Variants in CABIN1 observed in about 807,000 individuals in gnomAD.
CABIN1 encodes the protein calcineurin binding protein 1.
Under a neutral mutation model 227.7 loss-of-function variants are expected in CABIN1, and 133 were observed. That is an observed-to-expected ratio of 0.58 (90% CI 0.51 to 0.67). CABIN1 has a LOEUF of 0.67. Ranked by LOEUF, CABIN1 falls within the 30% of genes least tolerant of loss-of-function variation. CABIN1 has a pLI of 0.00. For synonymous variants in CABIN1, 1,086 were observed against 1,155.1 expected, an observed-to-expected ratio of 0.94 and a Z score of 1.21; for missense variants, 2,408 against 2,852.5, an observed-to-expected ratio of 0.84 and a Z score of 3.55.
At position 24,036,079 on chromosome 22, in the gene CABIN1, C is replaced by G. The variant is rs2036861074; in HGVS notation, c.4-10C>G. 3.1e-6 allele frequency: 5 copies of G among 1,605,824 alleles called. No individual in the cohort carries two copies. The East Asian group carries it at 1.1e-4, about 36-fold the overall frequency. On this transcript the variant is annotated splice_polypyrimidine_tract_variant and intron_variant, in intron 2 of 36. Transcript: ENST00000263119. ...GCAACTTGTCTCTTCCACCAAACCCCTGTTTCTAGATTCGAATTGCAGCCT... is the reference window on the plus strand; with the variant it reads ...GCAACTTGTCTCTTCCACCAAACCCGTGTTTCTAGATTCGAATTGCAGCCT...
intron 28 of CABIN1, among the ~76,000 whole-genome samples, chr22:24,122,291 A>G (rs899602349): frequency 2.0e-5 from 3 of 152,202 alleles, no homozygotes; most frequent in Non-Finnish European, 4.4e-5. Context: ...TACAGGTTGA[A>G]TATCCTTTAT....
At chr22:24,023,615 A>T (rs992204962) in intron 1 of CABIN1, among the ~76,000 whole-genome samples, 1 of 152,084 alleles carries the variant, frequency 6.6e-6, no homozygotes, top group African/African-American at 2.4e-5. Flanking sequence ...ATAGTATCTC[A>T]CTGTAGTTTT....
In CABIN1 at chr22:24,060,048, G is replaced by A. The variant is rs773152852; in HGVS notation, c.1524G>A (p.Ala508=). 1.7e-5 allele frequency: 27 copies of A among 1,614,044 alleles called. No homozygotes were observed. In the Admixed American group the frequency reaches 1.8e-4, roughly 11 times the overall value. The part of the protein sequence containing the change: ...KFLVRWPPGL[A]EVVLSVYHSW... ...TGGTAAGGTGGCCTCCAGGCTTGGC[G>A]GAGGTCGTGCTCAGCGTCTACCACA... is the stretch of plus-strand genomic sequence containing the variant. Residue 508 remains alanine, a synonymous_variant, in exon 12 of 37, where the codon GCG becomes GCA. Coordinates refer to ENST00000263119, the MANE Select transcript of CABIN1 (RefSeq NM_012295.4).
Position 24,038,477 on chromosome 22 carries a change from G to C in CABIN1, c.210+16G>C. On this transcript the variant is annotated intron_variant, in intron 4 of 36. Coordinates refer to ENST00000263119, the MANE Select transcript of CABIN1 (RefSeq NM_012295.4). ...GCTGCGGGAGGTGAGGCATCAGCAG[G>C]CCAGGCAGTGTGCCGTGGTGGTTAG... is the stretch of plus-strand genomic sequence containing the variant. 6.3e-7 allele frequency: 1 copy of C among 1,585,858 alleles called. No homozygotes were observed. Among genetic ancestry groups the C allele is most frequent in the Non-Finnish European group, 8.7e-7 (1 of 1,155,432 alleles).
chr22:24,050,899 G>A lies in CABIN1; in HGVS notation c.731G>A (p.Arg244Gln), dbSNP rs777390432. The A allele has an allele frequency of 5.0e-6, 8 of 1,614,064 alleles. No individual in the cohort carries two copies. Among genetic ancestry groups the A allele is most frequent in the African/African-American group, 2.7e-5 (2 of 74,920 alleles). The change falls in exon 8 of 37, where the codon CGA becomes CAA. Residue 244 changes from arginine to glutamine, a missense_variant. Arg to Gln is a conservative substitution (Grantham distance 43). Transcript: ENST00000263119. ...QAIVDEALGL[R>Q]KKRQALIVRE... ...ATTGTAGATGAGGCCTTGGGGCTGC[G>A]AAAAAAGAGGCAAGCGCTGATTGTG...
chr22:24,167,104 G>T lies in CABIN1; in HGVS notation c.5473G>T (p.Ala1825Ser). The T allele has an allele frequency of 7.5e-7, 1 of 1,340,890 alleles. No homozygotes were observed. Among genetic ancestry groups the T allele is most frequent in the Non-Finnish European group, 1.0e-6 (1 of 1,004,738 alleles). The allele number at this position is 1,340,890 out of a possible 1,614,324, so 83.1% of individuals were successfully genotyped here. A position where few individuals can be genotyped will look rare whatever the true frequency, so the allele number is the denominator to read the frequency against. ...CCAGCCAGCCCCCGCCCCCGCCCCCGCCACCACCACAGGGACCAGGGCAGG... is the reference window on the plus strand; with the variant it reads ...CCAGCCAGCCCCCGCCCCCGCCCCCTCCACCACCACAGGGACCAGGGCAGG... ...PAQPAPAPAP[A>S]TTTGTRAGGH... Residue 1825 changes from alanine (A) to serine (S), a missense_variant, in exon 32 of 37, where the codon GCC (alanine) becomes TCC (serine). This residue lies in a region of CABIN1 where 714 missense variants were observed against 773.8 expected (regional missense o/e 0.92). Transcript: ENST00000263119.
intron 32 of CABIN1, 116 bp downstream of exon 32, chr22:24,167,429 G>C: frequency 1.1e-6 from 1 of 873,564 alleles, no homozygotes; most frequent in Non-Finnish European, 1.8e-6. Flanking sequence ...TTTAGGTGTT[G>C]TTCCCACACC....
chr22:24,141,086 G>GC (rs2044729931), intron 29 of CABIN1, among the ~76,000 whole-genome samples: 1 of 152,218 alleles, frequency 6.6e-6, no homozygotes, highest in African/African-American at 2.4e-5. Flanking sequence ...CTGCATGGAG[G>GC]CCTTGGGGCT....
intron 29 of CABIN1, among the ~76,000 whole-genome samples, chr22:24,148,702 T>C (rs1392391653): frequency 7.9e-5 from 12 of 152,230 alleles, no homozygotes; most frequent in Non-Finnish European, 1.8e-4. Context: ...AAAAGAAGCC[T>C]TTCTGTCATG....
At chr22:24,162,630 C>G (rs113225221) in intron 29 of CABIN1, among the ~76,000 whole-genome samples, 1,989 of 152,336 alleles carry the variant, frequency 0.013, 41 homozygotes, top group African/African-American at 0.045. Context: ...AAAATGCTGC[C>G]TTTCAAGCCT....
At chr22:24,038,212 G>A (rs1312932900) in intron 3 of CABIN1, 136 bp from the exon 4 acceptor site, 8 of 692,396 alleles carry the variant, frequency 1.2e-5, no homozygotes, top group Non-Finnish European at 2.1e-5. Flanking sequence ...AAGTTGGGAG[G>A]TGGGGGAGCT....
chr22:24,081,781 C>G (rs1569182877), intron 19 of CABIN1, among the ~76,000 whole-genome samples: 1 of 151,916 alleles, frequency 6.6e-6, no homozygotes, highest in Non-Finnish European at 1.5e-5. Context: ...AATCCCAGCA[C>G]TTTGGGAGGC....
chr22:24,012,296 G>A (rs534615980), intron 1 of CABIN1, among the ~76,000 whole-genome samples: 4 of 152,150 alleles, frequency 2.6e-5, no homozygotes, highest in South Asian at 4.2e-4. Context: ...TTTATATATT[G>A]TTAATATAAT....
rs1337549015 is a variant in CABIN1 at position 24,084,633 on chromosome 22, AC to A, written c.2968del (p.Leu990PhefsTer20). ...CATGTTTGAGTATTTTAAGCCCAAG[AC>A]CCTTCCTGAATTTGACAGCTATAAG... ...LFMFEYFKPKTLPEFDSYKTS... is the reference protein window; with the variant it reads ...LFMFEYFKPKXLPEFDSYKTS... On this transcript the variant is annotated frameshift_variant, in exon 21 of 37. Coordinates refer to ENST00000263119, the MANE Select transcript of CABIN1 (RefSeq NM_012295.4). LOFTEE classifies it high-confidence loss of function. 6.2e-7 allele frequency: 1 copy of A among 1,613,560 alleles called. No individual in the cohort carries two copies. The highest frequency in any genetic ancestry group is 2.2e-5 in the East Asian group (1 of 44,852).
At chr22:24,076,691 A>C (rs188261618) in intron 19 of CABIN1, among the ~76,000 whole-genome samples, 10 of 152,348 alleles carry the variant, frequency 6.6e-5, no homozygotes, top group African/African-American at 2.4e-4. Flanking sequence ...CACAATGCCA[A>C]GTAGTAGTTG....
Position 24,178,319 on chromosome 22 carries a change from C to A in CABIN1, c.*123C>A, listed in dbSNP as rs1675154984. 8.1e-7 allele frequency: 1 copy of A among 1,227,778 alleles called. No homozygotes were observed. Among genetic ancestry groups the A allele is most frequent in the South Asian group, 1.4e-5 (1 of 73,506 alleles). 76.1% of individuals were successfully genotyped at this position (1,227,778 alleles called of 1,614,324 possible). A position where few individuals can be genotyped will look rare whatever the true frequency, so the allele number is the denominator to read the frequency against. ...TGCCACTCCCCACACAGCCCCCAGG[C>A]CTGCCCAGCCCACCTCCTCATGGCA... On this transcript the variant is annotated 3_prime_UTR_variant, in exon 37 of 37. Coordinates refer to ENST00000263119, the MANE Select transcript of CABIN1 (RefSeq NM_012295.4).
chr22:24,087,364 G>T, intron 22 of CABIN1, 88 bp from the exon 23 acceptor site: 1 of 1,549,810 alleles, frequency 6.5e-7, no homozygotes, highest in Non-Finnish European at 8.8e-7. Flanking sequence ...TTTCCATGGG[G>T]TCCATCTGCC....
intron 19 of CABIN1, 22 bp from the exon 20 acceptor site, chr22:24,083,206 C>A (rs1166943527): frequency 1.2e-6 from 2 of 1,611,594 alleles, no homozygotes; most frequent in African/African-American, 2.7e-5. Flanking sequence ...TCACCTCAGG[C>A]CATCTCTTCT....
chr22:24,108,035 C>T (rs2042613260), intron 26 of CABIN1, among the ~76,000 whole-genome samples: 1 of 152,260 alleles, frequency 6.6e-6, no homozygotes, highest in Non-Finnish European at 1.5e-5. Flanking sequence ...GGTGTTCTCA[C>T]TGTCAGGGCC....
Sources: allele counts gnomAD v4.1 joint callset (sites outside exome capture counted in the v4.1 genomes callset), GRCh38; gene constraint gnomAD v4.1.1; regional missense constraint gnomAD v4.1.1; transcripts MANE v1.5; gene names NCBI Gene and HGNC (gene_info 2026-07-23, HGNC 2026-07-21).